The following PRIM2 variants were observed in gnomAD, a reference collection of about 807,000 sequenced individuals.
PRIM2 encodes DNA primase subunit 2.
Under a neutral mutation model 67.3 loss-of-function variants are expected in PRIM2, and 39 were observed. The observed-to-expected ratio is 0.58, with a 90% CI of 0.45 to 0.76. The LOEUF (loss-of-function observed/expected upper bound fraction) is 0.76. PRIM2 is among the 30% of genes least tolerant of loss of function. The pLI is 0.00. For synonymous variants in PRIM2, 143 were observed against 198.7 expected (o/e 0.72, Z 2.36); for missense variants, 398 against 598.7 (o/e 0.66, Z 3.50).
the PRIM2 span, among the ~76,000 whole-genome samples, chr6:57,268,868 G>A: frequency 0.058 from 8,500 of 146,156 alleles, 481 homozygotes; most frequent in African/African-American, 0.16. Flanking sequence ...CCACCTATGA[G>A]TGAGAACATG....
chr6:57,350,125 ACTGATTGT>A (rs973298039), intron 5 of PRIM2, among the ~76,000 whole-genome samples: 2 of 152,096 alleles, frequency 1.3e-5, no homozygotes, highest in Non-Finnish European at 2.9e-5. Flanking sequence ...AAGGATTAAG[ACTGATTGT>A]CTGTTTACAG....
chr6:57,567,368 A>G (rs1164950596), intron 10 of PRIM2, among the ~76,000 whole-genome samples: 1 of 152,156 alleles, frequency 6.6e-6, no homozygotes, highest in Middle Eastern at 3.2e-3. Flanking sequence ...TAATGCTTTT[A>G]TAAGGTAAGC....
the PRIM2 span, among the ~76,000 whole-genome samples, chr6:57,291,896 A>C: frequency 6.6e-6 from 1 of 152,228 alleles, no homozygotes; most frequent in Non-Finnish European, 1.5e-5. Context: ...TATCATACTG[A>C]ATAGGCAAAA....
chr6:57,350,324 C>T lies in PRIM2; in HGVS notation c.459+24279C>T, dbSNP rs571626512. 2.0e-5 allele frequency among the ~76,000 whole-genome samples: 3 copies of T among 152,172 alleles called. No homozygotes were observed. In the South Asian group the frequency reaches 6.2e-4, roughly 32 times the overall value. ...ATTTATGACTATGATTTAAAATAGC[C>T]AGTCTTGAGGAATTCTAATCATAAA... On this transcript the variant is annotated intron_variant, in intron 5 of 13. Transcript: ENST00000615550.
intron 7 of PRIM2, among the ~76,000 whole-genome samples, chr6:57,398,673 G>C (rs1211118482): frequency 6.6e-6 from 1 of 152,192 alleles, no homozygotes; most frequent in Admixed American, 6.5e-5. Context: ...ATTTGGTCCA[G>C]TGTTGAGTTC....
intron 13 of PRIM2, among the ~76,000 whole-genome samples, chr6:57,632,459 A>T (rs1325743080): frequency 6.6e-6 from 1 of 152,238 alleles, no homozygotes; most frequent in Non-Finnish European, 1.5e-5. Context: ...CCACCACTCC[A>T]TATCTAGGGA....
chr6:57,482,412 TG>T (rs1370028622), intron 7 of PRIM2, among the ~76,000 whole-genome samples: 3 of 152,102 alleles, frequency 2.0e-5, no homozygotes, highest in African/African-American at 7.2e-5. Context: ...AAAACCTGGT[TG>T]GGGGGACCAA....
intron 13 of PRIM2, among the ~76,000 whole-genome samples, chr6:57,634,272 T>C (rs1777083161): frequency 1.3e-5 from 2 of 152,228 alleles, no homozygotes; most frequent in Non-Finnish European, 2.9e-5. Flanking sequence ...TTACATGCTG[T>C]AATTGATTAA....
At chr6:57,533,190 C>G (rs1774929456) in intron 9 of PRIM2, among the ~76,000 whole-genome samples, 1 of 151,920 alleles carries the variant, frequency 6.6e-6, no homozygotes, top group Admixed American at 6.6e-5. Context: ...TAATAGATAG[C>G]TTATTTTAGC....
intron 10 of PRIM2, among the ~76,000 whole-genome samples, chr6:57,585,898 C>T (rs1365930465): frequency 3.9e-5 from 6 of 152,254 alleles, no homozygotes; most frequent in Non-Finnish European, 8.8e-5. Context: ...TCAGTAAAGA[C>T]GAGCTGAACC....
At chr6:57,636,629 G>A (rs1777127031) in intron 13 of PRIM2, among the ~76,000 whole-genome samples, 1 of 152,184 alleles carries the variant, frequency 6.6e-6, no homozygotes. Context: ...AAGGACAATT[G>A]CAGATCAAGA....
chr6:57,338,636 C>G (rs2127291361), intron 5 of PRIM2, among the ~76,000 whole-genome samples: 1 of 149,522 alleles, frequency 6.7e-6, no homozygotes, highest in South Asian at 2.2e-4. Flanking sequence ...CAGAAAAGGC[C>G]TTTGACAAAA....
intron 7 of PRIM2, among the ~76,000 whole-genome samples, chr6:57,419,736 C>A (rs1376351835): frequency 5.3e-5 from 8 of 151,942 alleles, no homozygotes; most frequent in Admixed American, 3.3e-4. Context: ...TCATATTTAA[C>A]CCTCGGTTTT....
intron 10 of PRIM2, among the ~76,000 whole-genome samples, chr6:57,595,520 A>G (rs1202571404): frequency 3.3e-5 from 5 of 152,104 alleles, no homozygotes; most frequent in Non-Finnish European, 5.9e-5. Flanking sequence ...CCTACTTCAT[A>G]TACCAATTGC....
intron 10 of PRIM2, among the ~76,000 whole-genome samples, chr6:57,566,325 CTGTTT>C (rs1176901672): frequency 1.3e-5 from 2 of 152,040 alleles, no homozygotes. Flanking sequence ...TTTGAACCCT[CTGTTT>C]TGTTAAGTTC....
At chr6:57,236,634 C>G in the PRIM2 span, among the ~76,000 whole-genome samples, 1 of 151,920 alleles carries the variant, frequency 6.6e-6, no homozygotes, top group Non-Finnish European at 1.5e-5. Context: ...TCTCATTGTT[C>G]AATTCCCACC....
chr6:57,529,958 TCA>T (rs1774851672), intron 8 of PRIM2, among the ~76,000 whole-genome samples: 1 of 152,002 alleles, frequency 6.6e-6, no homozygotes, highest in Non-Finnish European at 1.5e-5. Flanking sequence ...GTGTAGGGTA[TCA>T]CATGGCGAGG....
intron 8 of PRIM2, among the ~76,000 whole-genome samples, chr6:57,510,050 G>C: frequency 6.6e-6 from 1 of 151,642 alleles, no homozygotes. Flanking sequence ...CACCTCCGTA[G>C]TCTGAATTGG....
chr6:57,229,228 C>A, the PRIM2 span, among the ~76,000 whole-genome samples: 1 of 152,144 alleles, frequency 6.6e-6, no homozygotes, highest in Admixed American at 6.5e-5. Context: ...AGAGGCTGAT[C>A]CTAAACCCCT....
Sources: allele counts gnomAD v4.1 joint callset (sites outside exome capture counted in the v4.1 genomes callset), GRCh38; gene constraint gnomAD v4.1.1; transcripts MANE v1.5; gene names NCBI Gene and HGNC (gene_info 2026-07-23, HGNC 2026-07-21).